PCDHGA3: variants seen among roughly 807,000 people sequenced by gnomAD.
The protein encoded by PCDHGA3 is protocadherin gamma subfamily A, 3.
In PCDHGA3, 40 loss-of-function variants were observed where a neutral mutation model predicts 58.5. That is an observed-to-expected ratio of 0.68 (90% CI 0.53 to 0.89). The LOEUF (loss-of-function observed/expected upper bound fraction) is 0.89. Ranked by LOEUF, PCDHGA3 falls within the 40% of genes least tolerant of loss-of-function variation. The pLI is 0.00. For missense variants in PCDHGA3, 1,223 were observed against 1,195.9 expected (o/e 1.02, Z -0.33); for synonymous variants, 530 against 525.7 (o/e 1.01, Z -0.11).
At chr5:141,365,002 C>G (rs779500238) in intron 1 of PCDHGA3, 2 of 1,613,800 alleles carry the variant, frequency 1.2e-6, no homozygotes, top group African/African-American at 2.7e-5. Flanking sequence ...TACTCTCCGG[C>G]ACCACGCACA....
chr5:141,437,638 A>G (rs192433359), intron 1 of PCDHGA3, among the ~76,000 whole-genome samples: 1 of 152,250 alleles, frequency 6.6e-6, no homozygotes, highest in Admixed American at 6.5e-5. Context: ...TGTCAGGTTC[A>G]GAAAAGCAAA....
chr5:141,416,745 C>T (rs186830862), intron 1 of PCDHGA3: 5 of 152,194 alleles, frequency 3.3e-5, no homozygotes, highest in South Asian at 2.1e-4. Flanking sequence ...AAAATAGTGA[C>T]GTATTAGGTA....
chr5:141,372,171 G>T, intron 1 of PCDHGA3: 1 of 1,613,744 alleles, frequency 6.2e-7, no homozygotes, highest in Non-Finnish European at 8.5e-7. Flanking sequence ...CAAGGTGGTG[G>T]CGGTGGACGC....
intron 1 of PCDHGA3, among the ~76,000 whole-genome samples, chr5:141,397,505 T>A (rs2093531906): frequency 6.6e-6 from 1 of 152,158 alleles, no homozygotes; most frequent in South Asian, 2.1e-4. Context: ...ATGATAAAAT[T>A]GTTTCCATAG....
rs1554116817 is a variant in PCDHGA3 at position 141,423,755 on chromosome 5, G to GGC, written c.2425-71051_2425-71050insCG. 3 of 512,420 alleles carry GGC rather than the reference G, an allele frequency of 5.9e-6. No individual in the cohort carries two copies. The African/African-American group carries it at 8.1e-5, about 14-fold the overall frequency. 31.7% of individuals were successfully genotyped at this position (512,420 alleles called of 1,614,324 possible). A position where few individuals can be genotyped will look rare whatever the true frequency, so the allele number is the denominator to read the frequency against. On this transcript the variant is annotated intron_variant, in intron 1 of 3. Coordinates refer to ENST00000253812, the MANE Select transcript of PCDHGA3 (RefSeq NM_018916.4). ...AGCCTGTTATGAAAACTGTTTGGGGGGGGGGTGGGGCGGCATATATTTAGT... is the reference window on the plus strand; with the variant it reads ...AGCCTGTTATGAAAACTGTTTGGGGGGCGGGGGTGGGGCGGCATATATTTAGT...
chr5:141,474,291 AGT>A (rs1191263215), intron 1 of PCDHGA3, among the ~76,000 whole-genome samples: 1 of 152,210 alleles, frequency 6.6e-6, no homozygotes, highest in Admixed American at 6.5e-5. Flanking sequence ...CCACTAGATC[AGT>A]GCTTGTCAAA....
chr5:141,431,438 C>A lies in PCDHGA3; in HGVS notation c.2425-63369C>A, dbSNP rs773812765. 6.2e-7 allele frequency: 1 copy of A among 1,613,612 alleles called. No homozygotes were observed. The highest frequency in any genetic ancestry group is 1.7e-5 in the Admixed American group (1 of 60,004). ...CGACCCGGTGCGCACAGGCACCGCG[C>A]GCATCCGCGTGATGGTTCTGGATGC... On this transcript the variant is annotated intron_variant, in intron 1 of 3. Coordinates refer to ENST00000253812, the MANE Select transcript of PCDHGA3 (RefSeq NM_018916.4). This position sits in a 1 kb window ranked among gnomAD's most constrained non-coding sequence, Gnocchi z 4.8.
chr5:141,376,315 A>T, intron 1 of PCDHGA3: 2 of 1,614,178 alleles, frequency 1.2e-6, no homozygotes, highest in Non-Finnish European at 1.7e-6. Flanking sequence ...TGGGCGTGGA[A>T]GGGGTTCGGG....
intron 1 of PCDHGA3, chr5:141,371,193 A>G: frequency 1.2e-6 from 2 of 1,614,034 alleles, no homozygotes; most frequent in Non-Finnish European, 8.5e-7. Context: ...AGTGATGGCC[A>G]TTGACATGGA....
chr5:141,433,361 A>ATCTATCTATCTC, intron 1 of PCDHGA3: 1 of 297,578 alleles, frequency 3.4e-6, no homozygotes, highest in Non-Finnish European at 6.3e-6. Context: ...CTGTCTGCCT[A>ATCTATCTATCTC]TCTATCTATC....
In PCDHGA3 at chr5:141,476,291, G is replaced by T. The variant is rs1385060012; in HGVS notation, c.2425-18516G>T. The stretch of plus-strand genomic sequence containing the variant: ...GGTCGCGAACCTTGGTTTGGATCTC[G>T]GTAGCCTCTCAGCCCGCAGGTTCCG... On this transcript the variant is annotated intron_variant, in intron 1 of 3. Coordinates refer to ENST00000253812, the MANE Select transcript of PCDHGA3 (RefSeq NM_018916.4). This position sits in a 1 kb window ranked among gnomAD's most constrained non-coding sequence, Gnocchi z 7.6. 4 of 1,614,128 alleles carry T rather than the reference G, an allele frequency of 2.5e-6. No homozygotes were observed. Among genetic ancestry groups the T allele is most frequent in the South Asian group, 1.1e-5 (1 of 91,072 alleles).
rs1254986724 is a variant in PCDHGA3, at chr5:141,490,928, C to G, written c.2425-3879C>G. ...CTAGACGAGAATGATAATGCCCCAGCTGTGCTGCACCCACGGCCAGACTGG... is the reference window on the plus strand; with the variant it reads ...CTAGACGAGAATGATAATGCCCCAGGTGTGCTGCACCCACGGCCAGACTGG... On this transcript the variant is annotated intron_variant, in intron 1 of 3. Transcript: ENST00000253812. The surrounding 1 kb of genome is among the most constrained non-coding windows in gnomAD (Gnocchi z 5.4). 2 of 1,613,466 alleles carry G rather than the reference C, an allele frequency of 1.2e-6. No homozygotes were observed. Among genetic ancestry groups the G allele is most frequent in the Non-Finnish European group, 1.7e-6 (2 of 1,179,624 alleles).
chr5:141,370,709 A>G lies in PCDHGA3; in HGVS notation c.2424+24252A>G, dbSNP rs759693672. On this transcript the variant is annotated intron_variant, in intron 1 of 3. Coordinates refer to ENST00000253812, the MANE Select transcript of PCDHGA3 (RefSeq NM_018916.4). ...GCAAGAAGTCGACGTGTGTTCTGGA[A>G]TTTGAAATGGTTGCTGAAAAGCCTT... 3 of 1,613,738 alleles carry G rather than the reference A, an allele frequency of 1.9e-6. No individual in the cohort carries two copies. The African/African-American group carries it at 4.0e-5, about 22-fold the overall frequency.
intron 1 of PCDHGA3, among the ~76,000 whole-genome samples, chr5:141,451,493 T>C (rs1554137340): frequency 2.0e-5 from 3 of 152,230 alleles, no homozygotes; most frequent in Admixed American, 2.0e-4. Context: ...TGGACCTCCA[T>C]AGGGCAACCA....
At chr5:141,447,647 T>C (rs1338920727) in intron 1 of PCDHGA3, among the ~76,000 whole-genome samples, 1 of 152,092 alleles carries the variant, frequency 6.6e-6, no homozygotes, top group African/African-American at 2.4e-5. Flanking sequence ...GATGGTAGAA[T>C]TTTCCCCCCC....
chr5:141,461,303 G>T (rs1390421489), intron 1 of PCDHGA3, among the ~76,000 whole-genome samples: 2 of 152,074 alleles, frequency 1.3e-5, no homozygotes, highest in Non-Finnish European at 2.9e-5. Flanking sequence ...AACATCTATT[G>T]TTTTTTGACT....
intron 1 of PCDHGA3, among the ~76,000 whole-genome samples, chr5:141,347,070 CCTCT>C (rs1318040353): frequency 4.9e-5 from 7 of 144,160 alleles, no homozygotes; most frequent in South Asian, 2.2e-4. Context: ...TTCCTTCCTT[CCTCT>C]CTCTCTTTCC....
chr5:141,491,438 G>T lies in PCDHGA3; in HGVS notation c.2425-3369G>T, dbSNP rs376927300. 3.7e-6 allele frequency: 6 copies of T among 1,613,948 alleles called. No homozygotes were observed. The African/African-American group carries it at 4.0e-5, about 11-fold the overall frequency. ...GGGGGTGGAGGGCAGTGCTGCAGGCGCCAGGACTCACCCTCCCCGGACTTC... is the reference window on the plus strand; with the variant it reads ...GGGGGTGGAGGGCAGTGCTGCAGGCTCCAGGACTCACCCTCCCCGGACTTC... On this transcript the variant is annotated intron_variant, in intron 1 of 3. Transcript: ENST00000253812. The surrounding 1 kb of genome is among the most constrained non-coding windows in gnomAD (Gnocchi z 6.9).
chr5:141,354,460 C>T (rs1759547472), intron 1 of PCDHGA3, among the ~76,000 whole-genome samples: 2 of 152,210 alleles, frequency 1.3e-5, no homozygotes, highest in African/African-American at 4.8e-5. Context: ...TTGTCAATCT[C>T]ATTTGTACAG....
Sources: gnomAD v4.1 joint callset for allele counts (sites outside exome capture counted in the v4.1 genomes callset) on GRCh38, gnomAD v4.1.1 for gene constraint, Gnocchi (gnomAD v3.1) non-coding constraint, MANE v1.5 for transcripts, NCBI Gene and HGNC (gene_info 2026-07-23, HGNC 2026-07-21) for gene names.